The following GTF2H3 variants were observed in gnomAD, a reference collection of about 807,000 sequenced individuals.
The protein encoded by GTF2H3 is TFIIH basal transcription factor complex p34 subunit.
GTF2H3 carries 42 observed loss-of-function variants against 51.1 expected under a neutral mutation model. The ratio of observed to expected loss-of-function variants is 0.82; its 90% CI spans 0.64 to 1.06. The LOEUF is 1.06. GTF2H3 is among the 50% of genes least tolerant of loss of function. GTF2H3 has a pLI of 0.00. For synonymous variants in GTF2H3, 123 were observed against 123.8 expected, an observed-to-expected ratio of 0.99 and a Z score of 0.04; for missense variants, 326 against 366.1, an observed-to-expected ratio of 0.89 and a Z score of 0.89.
intron 5 of GTF2H3, 34 bp from the exon 6 acceptor site, chr12:123,652,498 A>C (rs757949917): frequency 9.3e-6 from 11 of 1,182,468 alleles, no homozygotes; most frequent in Non-Finnish European, 1.3e-5. Context: ...AAGCAAAATA[A>C]TATTTTTGTA....
intron 9 of GTF2H3, among the ~76,000 whole-genome samples, chr12:123,657,447 G>A (rs1955601400): frequency 1.3e-5 from 2 of 152,162 alleles, no homozygotes; most frequent in South Asian, 4.1e-4. Context: ...GAGGGGCGCT[G>A]CACTTTCTGT....
chr12:123,651,084 A>G (rs1364379377), intron 5 of GTF2H3, 28 bp downstream of exon 5: 1 of 1,532,958 alleles, frequency 6.5e-7, no homozygotes, highest in East Asian at 2.2e-5. Context: ...ATCATTTAGA[A>G]GGTGTCTTCT....
chr12:123,635,572 CAAAAA>C (rs11316749), intron 1 of GTF2H3, among the ~76,000 whole-genome samples: 2 of 85,396 alleles, frequency 2.3e-5, no homozygotes, highest in African/African-American at 8.7e-5. Context: ...GTCTCCGTCG[CAAAAA>C]AAAAAAAAAA....
intron 2 of GTF2H3, 92 bp downstream of exon 2, chr12:123,639,435 T>C: frequency 2.9e-6 from 2 of 679,204 alleles, no homozygotes; most frequent in Middle Eastern, 2.6e-4. Context: ...AAGTATAATT[T>C]ACATACTGTA....
chr12:123,633,925 C>T (rs955571029), intron 1 of GTF2H3, 53 bp downstream of exon 1: 1 of 1,594,622 alleles, frequency 6.3e-7, no homozygotes, highest in Non-Finnish European at 8.6e-7. Context: ...TGTCTCGGTC[C>T]GGCTACGACT....
chr12:123,642,754 A>G (rs1955395355), intron 2 of GTF2H3, among the ~76,000 whole-genome samples: 1 of 152,208 alleles, frequency 6.6e-6, no homozygotes, highest in Non-Finnish European at 1.5e-5. Flanking sequence ...ACGCAGTGTT[A>G]TAATTGTTAC....
chr12:123,641,386 T>C (rs1955369475), intron 2 of GTF2H3, among the ~76,000 whole-genome samples: 2 of 152,002 alleles, frequency 1.3e-5, no homozygotes, highest in Admixed American at 1.3e-4. Flanking sequence ...CCACCACGCC[T>C]GGCTAATTTT....
At chr12:123,635,473 T>A (rs1955267143) in intron 1 of GTF2H3, among the ~76,000 whole-genome samples, 1 of 149,856 alleles carries the variant, frequency 6.7e-6, no homozygotes. Context: ...CTCAGGAGGC[T>A]GAGGCAGGAA....
At chr12:123,635,386 C>G (rs1955264871) in intron 1 of GTF2H3, among the ~76,000 whole-genome samples, 1 of 152,098 alleles carries the variant, frequency 6.6e-6, no homozygotes, top group African/African-American at 2.4e-5. Context: ...GCCTGGCCAA[C>G]ATGGTGAAAC....
chr12:123,652,809 G>A (rs1157878010), intron 7 of GTF2H3, 74 bp downstream of exon 7: 3 of 1,325,092 alleles, frequency 2.3e-6, no homozygotes, highest in Admixed American at 3.0e-5. Context: ...CAGGTGTGGT[G>A]GCTCACACCT....
At chr12:123,637,459 C>G (rs1955301258) in intron 1 of GTF2H3, among the ~76,000 whole-genome samples, 1 of 151,632 alleles carries the variant, frequency 6.6e-6, no homozygotes, top group Non-Finnish European at 1.5e-5. Flanking sequence ...TTCCTCTTAA[C>G]AGTAAAATCT....
chr12:123,652,475 A>G (rs2135793765), intron 5 of GTF2H3, 57 bp from the exon 6 acceptor site: 1 of 1,013,498 alleles, frequency 9.9e-7, no homozygotes, highest in Non-Finnish European at 1.5e-6. Flanking sequence ...TCTTTTTACT[A>G]TAAATATTTA....
intron 8 of GTF2H3, 42 bp from the exon 9 acceptor site, chr12:123,655,729 A>G (rs1955578634): frequency 8.7e-7 from 1 of 1,150,484 alleles, no homozygotes; most frequent in African/African-American, 1.5e-5. Flanking sequence ...GGTAATCATT[A>G]TTGTTATTAT....
intron 2 of GTF2H3, 85 bp downstream of exon 2, chr12:123,639,428 T>C: frequency 1.4e-6 from 1 of 701,986 alleles, no homozygotes; most frequent in Non-Finnish European, 2.6e-6. Context: ...TTTATTAAAG[T>C]ATAATTTACA....
Position 123,643,621 on chromosome 12 carries a change from C to G in GTF2H3, c.94-1834C>G, listed in dbSNP as rs143179938. ...CTCTTGGGACATCACCCACTTCTTT[C>G]TTTGGATATTCATAGTGTGTGGTTT... On this transcript the variant is annotated intron_variant, in intron 2 of 12. Coordinates refer to ENST00000543341, the MANE Select transcript of GTF2H3 (RefSeq NM_001516.5). Among the ~76,000 whole-genome samples, 44 of 152,240 alleles carry G rather than the reference C, an allele frequency of 2.9e-4. 1 individual carries two copies. Among genetic ancestry groups the G allele is most frequent in the Admixed American group, 2.6e-3 (40 of 15,280 alleles).
chr12:123,645,682 C>T (rs2135786141), intron 3 of GTF2H3, 121 bp downstream of exon 3: 1 of 615,192 alleles, frequency 1.6e-6, no homozygotes, highest in Non-Finnish European at 2.9e-6. Flanking sequence ...TACCAGTGAA[C>T]AGCCACAGCA....
At chr12:123,642,117 G>A (rs1955384138) in intron 2 of GTF2H3, among the ~76,000 whole-genome samples, 1 of 151,200 alleles carries the variant, frequency 6.6e-6, no homozygotes, top group South Asian at 2.1e-4. Context: ...GCCTCCCAAA[G>A]TGCTAGGATT....
At chr12:123,652,453 G>A in intron 5 of GTF2H3, 79 bp from the exon 6 acceptor site, 1 of 796,164 alleles carries the variant, frequency 1.3e-6, no homozygotes, top group Non-Finnish European at 2.0e-6. Flanking sequence ...ATTTAAAATT[G>A]GAGGTTATTT....
intron 5 of GTF2H3, among the ~76,000 whole-genome samples, chr12:123,652,277 A>G (rs1158035557): frequency 2.6e-5 from 4 of 152,222 alleles, no homozygotes; most frequent in Non-Finnish European, 5.9e-5. Context: ...AGAATAGGAC[A>G]GTCAAGTGTT....
Sources: allele counts gnomAD v4.1 joint callset (sites outside exome capture counted in the v4.1 genomes callset), GRCh38; gene constraint gnomAD v4.1.1; transcripts MANE v1.5; gene names NCBI Gene and HGNC (gene_info 2026-07-23, HGNC 2026-07-21).